The following TOP1 variants were observed in gnomAD, a reference collection of about 807,000 sequenced individuals.
TOP1 encodes DNA topoisomerase 1.
TOP1 carries 10 observed loss-of-function variants against 111.1 expected under a neutral mutation model. The ratio of observed to expected loss-of-function variants is 0.09; its 90% CI spans 0.06 to 0.15. The LOEUF is 0.15. Among genes scored for constraint, TOP1 ranks in the 10% least tolerant of loss-of-function variants. The probability of loss-of-function intolerance (pLI) is 1.00; values close to 1 mark genes in which losing one functional copy is unlikely to be tolerated. For synonymous variants in TOP1, 271 were observed against 302.9 expected (o/e 0.89, Z 1.10); for missense variants, 474 against 926.7 (o/e 0.51, Z 6.34).
rs543677664 is a variant in TOP1 at position 41,065,290 on chromosome 20, G to A, written c.155+3800G>A. On this transcript the variant is annotated intron_variant, in intron 3 of 20. Coordinates refer to ENST00000361337, the MANE Select transcript of TOP1 (RefSeq NM_003286.4). ...ACTAGTCTATATTTATTGAATTAAT[G>A]AGTGGATGATCTATGGGTACATTAA... Among the ~76,000 whole-genome samples, 35 of 152,284 alleles carry A rather than the reference G, an allele frequency of 2.3e-4. 2 individuals are homozygous for A. The South Asian group carries it at 6.0e-3, about 26-fold the overall frequency.
At chr20:41,086,837 T>A (rs1407709020) in intron 8 of TOP1, among the ~76,000 whole-genome samples, 1 of 152,196 alleles carries the variant, frequency 6.6e-6, no homozygotes, top group Non-Finnish European at 1.5e-5. Context: ...ACCTTGCACA[T>A]TCTTTTCAAG....
chr20:41,029,992 GC>G lies in TOP1; in HGVS notation c.58+538del, dbSNP rs1359336039. Among the ~76,000 whole-genome samples, 1 of 152,030 alleles carries G rather than the reference GC, an allele frequency of 6.6e-6. No individual in the cohort carries two copies. Among genetic ancestry groups the G allele is most frequent in the African/African-American group, 2.4e-5 (1 of 41,402 alleles). On this transcript the variant is annotated intron_variant, in intron 2 of 20. Transcript: ENST00000361337. This position sits in a 1 kb window ranked among gnomAD's most constrained non-coding sequence, Gnocchi z 6.1. ...ATGCTTCATGTTTGTTTCCTTTTCT[GC>G]TTCCAGAATGAAAGATTTCCTTAAG... is the stretch of plus-strand genomic sequence containing the variant.
Position 41,028,832 on chromosome 20 carries a change from CTT to C in TOP1, c.-235_-234del, listed in dbSNP as rs1444065985. 2.5e-5 allele frequency: 13 copies of C among 524,180 alleles called. No individual in the cohort carries two copies. Among genetic ancestry groups the C allele is most frequent in the Non-Finnish European group, 1.0e-5 (3 of 297,830 alleles). The allele number at this position is 524,180 out of a possible 1,614,324, so 32.5% of individuals were successfully genotyped here. On this transcript the variant is annotated 5_prime_UTR_variant, in exon 1 of 21. An upstream open reading frame in the 5' UTR loses its in-frame stop. Transcript: ENST00000361337. The stretch of plus-strand genomic sequence containing the variant: ...CAGGCGCAGTGAGCCCAAATGCGAA[CTT>C]AGGCTGTTACACAACTGCTGGGGTC...
chr20:41,076,126 TG>T (rs758891582), intron 3 of TOP1, 44 bp from the exon 4 acceptor site: 10 of 1,572,898 alleles, frequency 6.4e-6, no homozygotes, highest in Admixed American at 1.9e-5. Flanking sequence ...CGAATCCTTG[TG>T]GTCCCTACTC....
chr20:41,122,205 G>A lies in TOP1; in HGVS notation c.2195+50G>A. 6.2e-7 allele frequency: 1 copy of A among 1,602,654 alleles called. No individual in the cohort carries two copies. Among genetic ancestry groups the A allele is most frequent in the Non-Finnish European group, 8.5e-7 (1 of 1,172,076 alleles). Reference sequence around the variant, plus strand: ...TCCTGCTGCTAGCTTAAGAAAGGTGGAGGGGGTTCCGAGAGCACTGGTGGC... The same window carrying A: ...TCCTGCTGCTAGCTTAAGAAAGGTGAAGGGGGTTCCGAGAGCACTGGTGGC... On this transcript the variant is annotated intron_variant, in intron 20 of 20. Coordinates refer to ENST00000361337, the MANE Select transcript of TOP1 (RefSeq NM_003286.4). This position sits in a 1 kb window ranked among gnomAD's most constrained non-coding sequence, Gnocchi z 5.4.
chr20:41,123,291 G>A lies in TOP1; in HGVS notation c.2292G>A (p.Glu764=). The A allele has an allele frequency of 6.2e-7, 1 of 1,610,632 alleles. No homozygotes were observed. Among genetic ancestry groups the A allele is most frequent in the Non-Finnish European group, 8.5e-7 (1 of 1,176,848 alleles). Residue 764 remains glutamate, a synonymous_variant, in exon 21 of 21, where the codon GAG becomes GAA. Transcript: ENST00000361337. The surrounding 1 kb of genome is among the most constrained non-coding windows in gnomAD (Gnocchi z 5.8). ...TTGACATGGCTGATGAAGACTATGA[G>A]TTTTAGCCAGTCTCAAGAGGCAGAG... is the stretch of plus-strand genomic sequence containing the variant. ...WAIDMADEDY[E]F is the part of the protein sequence containing the mutation.
In TOP1 at chr20:41,112,969, C is replaced by T; in HGVS notation, c.1452+44C>T. On this transcript the variant is annotated intron_variant, in intron 14 of 20. Transcript: ENST00000361337. The surrounding 1 kb of genome is among the most constrained non-coding windows in gnomAD (Gnocchi z 5.8). ...CGGCATTGTCTAGTGTTGAGCTTAACAAAGGGAGTTTCTGCTCTGCCCCAG... is the reference window on the plus strand; with the variant it reads ...CGGCATTGTCTAGTGTTGAGCTTAATAAAGGGAGTTTCTGCTCTGCCCCAG... The T allele has an allele frequency of 6.3e-7, 1 of 1,594,516 alleles. No homozygotes were observed. The highest frequency in any genetic ancestry group is 8.6e-7 in the Non-Finnish European group (1 of 1,168,976).
At chr20:41,049,109 G>A (rs980728474) in intron 2 of TOP1, among the ~76,000 whole-genome samples, 4 of 152,216 alleles carry the variant, frequency 2.6e-5, no homozygotes, top group Middle Eastern at 3.2e-3. Flanking sequence ...AGTTTGAGGC[G>A]TAAAGTAGAC....
At chr20:41,050,390 A>G (rs558099931) in intron 2 of TOP1, among the ~76,000 whole-genome samples, 8 of 152,320 alleles carry the variant, frequency 5.3e-5, no homozygotes, top group African/African-American at 1.7e-4. Flanking sequence ...TTTGAATTCC[A>G]GAGCTCTTTG....
intron 13 of TOP1, among the ~76,000 whole-genome samples, chr20:41,108,891 C>A (rs546498150): frequency 6.6e-6 from 1 of 152,202 alleles, no homozygotes; most frequent in Non-Finnish European, 1.5e-5. Flanking sequence ...ATTACCTGCT[C>A]TCACAACCCA....
At chr20:41,099,172 T>C (rs1345511266) in intron 11 of TOP1, among the ~76,000 whole-genome samples, 1 of 152,242 alleles carries the variant, frequency 6.6e-6, no homozygotes, top group Non-Finnish European at 1.5e-5. Flanking sequence ...ATATAACTCA[T>C]TGTTTCATGG....
At chr20:41,072,447 C>A in intron 3 of TOP1, 2 of 985,300 alleles carry the variant, frequency 2.0e-6, no homozygotes, top group Middle Eastern at 5.2e-4. Flanking sequence ...GTTAGAAAAT[C>A]TCAAATGGAT....
chr20:41,089,080 A>G (rs2033886316), intron 8 of TOP1, among the ~76,000 whole-genome samples: 1 of 126,134 alleles, frequency 7.9e-6, no homozygotes, highest in African/African-American at 3.1e-5. Flanking sequence ...GTTGGAGTGC[A>G]GTGGTGTGAT....
In TOP1 at chr20:41,061,390, G is replaced by T. The variant is rs890791653; in HGVS notation, c.59-4G>T. On this transcript the variant is annotated splice_region_variant and splice_polypyrimidine_tract_variant and intron_variant, in intron 2 of 20. Coordinates refer to ENST00000361337, the MANE Select transcript of TOP1 (RefSeq NM_003286.4). The surrounding 1 kb of genome is among the most constrained non-coding windows in gnomAD (Gnocchi z 4.6). ...GTTAACTGACTCATCTCTTATGGTT[G>T]CAGATTCTCATAAACACAAAGATAA... is the stretch of plus-strand genomic sequence containing the variant. The T allele has an allele frequency of 1.7e-5, 27 of 1,613,264 alleles. No homozygotes were observed. Among genetic ancestry groups the T allele is most frequent in the Non-Finnish European group, 2.2e-5 (26 of 1,179,584 alleles).
chr20:41,040,160 ATAT>A (rs1210080700), intron 2 of TOP1, among the ~76,000 whole-genome samples: 14 of 152,262 alleles, frequency 9.2e-5, no homozygotes, highest in Admixed American at 8.5e-4. Flanking sequence ...AACTATTGAA[ATAT>A]TATTGCCCCT....
intron 2 of TOP1, among the ~76,000 whole-genome samples, chr20:41,036,832 C>CTTTTTTTTTTT: frequency 7.8e-6 from 1 of 128,234 alleles, no homozygotes; most frequent in Non-Finnish European, 1.6e-5. Flanking sequence ...TCCTACTTTT[C>CTTTTTTTTTTT]TTTTTTTTTT....
At chr20:41,038,323 A>T (rs560757561) in intron 2 of TOP1, among the ~76,000 whole-genome samples, 12 of 152,306 alleles carry the variant, frequency 7.9e-5, no homozygotes, top group African/African-American at 2.9e-4. Flanking sequence ...ACCTTACAAC[A>T]TTGAGGATTA....
At chr20:41,081,956 C>G (rs2033794086) in intron 7 of TOP1, among the ~76,000 whole-genome samples, 1 of 152,164 alleles carries the variant, frequency 6.6e-6, no homozygotes, top group African/African-American at 2.4e-5. Flanking sequence ...CTTGTTGATG[C>G]TTGTGGTAGA....
At chr20:41,056,996 C>T (rs1231372326) in intron 2 of TOP1, among the ~76,000 whole-genome samples, 2 of 152,080 alleles carry the variant, frequency 1.3e-5, no homozygotes, top group African/African-American at 2.4e-5. Context: ...CGCAGTGGCT[C>T]ACGCCTGTGA....
Sources: gnomAD v4.1 joint callset for allele counts (sites outside exome capture counted in the v4.1 genomes callset) on GRCh38, gnomAD v4.1.1 for gene constraint, Gnocchi (gnomAD v3.1) non-coding constraint, MANE v1.5 for transcripts, NCBI Gene and HGNC (gene_info 2026-07-23, HGNC 2026-07-21) for gene names.